The following COL14A1 variants were observed in gnomAD, a reference collection of about 807,000 sequenced individuals.
The protein encoded by COL14A1 is collagen type XIV alpha 1 chain, also known as collagen alpha-1(XIV) chain.
A neutral mutation model predicts 230.3 loss-of-function variants in COL14A1; 136 were observed. That is an observed-to-expected ratio of 0.59 (90% CI 0.51 to 0.68). The LOEUF (loss-of-function observed/expected upper bound fraction) is 0.68, where lower values mean the gene tolerates loss of function less well. COL14A1 is among the 30% of genes least tolerant of loss of function. The probability of loss-of-function intolerance (pLI) is 0.00; values close to 1 mark genes in which losing one functional copy is unlikely to be tolerated. For missense variants in COL14A1, 1,976 were observed against 2,215.8 expected, an observed-to-expected ratio of 0.89 and a Z score of 2.17; for synonymous variants, 792 against 784.1, an observed-to-expected ratio of 1.01 and a Z score of -0.17.
Position 120,247,640 on chromosome 8 carries a change from G to A in COL14A1, c.2507G>A (p.Arg836Gln), listed in dbSNP as rs143421996. The change falls in exon 21 of 48, where the codon CGG becomes CAG. Residue 836 changes from arginine to glutamine, a missense_variant. This residue lies in a region of COL14A1 where 1,791 missense variants were observed against 2,019.5 expected (regional missense o/e 0.89). Coordinates refer to ENST00000297848, the MANE Select transcript of COL14A1 (RefSeq NM_021110.4). ...CCATCCTCGGGGCCCCAGAACTTGC[G>A]GGTGTCCGAGGAATGGTATAACCGG... ...TLPSSGPQNL[R>Q]VSEEWYNRLR... is the part of the protein sequence containing the mutation. 2.0e-5 allele frequency: 33 copies of A among 1,613,856 alleles called. No individual in the cohort carries two copies. The highest frequency in any genetic ancestry group is 2.5e-5 in the Non-Finnish European group (29 of 1,179,978).
upstream of COL14A1, among the ~76,000 whole-genome samples, chr8:120,124,937 C>A (rs976793815): frequency 2.0e-5 from 3 of 152,132 alleles, no homozygotes; most frequent in Non-Finnish European, 4.4e-5. Flanking sequence ...AGCGCGTGAG[C>A]GGCACGGGGC....
At chr8:120,247,851 G>A in intron 21 of COL14A1, 116 bp downstream of exon 21, 1 of 1,250,658 alleles carries the variant, frequency 8.0e-7, no homozygotes, top group Non-Finnish European at 1.1e-6. Context: ...TAAAGAAGTA[G>A]GGAGAACCTC....
At position 120,285,902 on chromosome 8, in the gene COL14A1, G is replaced by T; in HGVS notation, c.4009G>T (p.Gly1337Trp). 6.2e-7 allele frequency: 1 copy of T among 1,611,192 alleles called. No individual in the cohort carries two copies. ...TLTYFNYDQS[G>W]DFQTVTFEGP... ...AACATATTTCAACTATGACCAGAGT[G>T]GGGATTTTCAAACTGTTACTTTCGA... is the stretch of plus-strand genomic sequence containing the variant. The change falls in exon 33 of 48, where the codon GGG (glycine) becomes TGG (tryptophan). Residue 1337 changes from glycine to tryptophan, a missense_variant. Transcript: ENST00000297848.
chr8:120,280,710 G>A lies in COL14A1; in HGVS notation c.3647-1G>A, dbSNP rs1820006445. 6.2e-7 allele frequency: 1 copy of A among 1,613,000 alleles called. No individual in the cohort carries two copies. The highest frequency in any genetic ancestry group is 1.3e-5 in the African/African-American group (1 of 74,858). On this transcript the variant is annotated splice_acceptor_variant, in intron 29 of 47. Coordinates refer to ENST00000297848, the MANE Select transcript of COL14A1 (RefSeq NM_021110.4). LOFTEE classifies it high-confidence loss of function. ...TTTATTTTGTTTGTTTGGTTTTCCAGCCTGTCCAGTGGTACACAAGGATGG... is the reference window on the plus strand; with the variant it reads ...TTTATTTTGTTTGTTTGGTTTTCCAACCTGTCCAGTGGTACACAAGGATGG...
At chr8:120,220,277 AT>A (rs34611162) in intron 14 of COL14A1, among the ~76,000 whole-genome samples, 190 of 141,876 alleles carry the variant, frequency 1.3e-3, no homozygotes, top group Middle Eastern at 7.4e-3. Flanking sequence ...CATGCAATTG[AT>A]TTTTTTTTTT....
chr8:120,298,690 G>A (rs1820612387), intron 35 of COL14A1, among the ~76,000 whole-genome samples: 2 of 136,934 alleles, frequency 1.5e-5, no homozygotes, highest in South Asian at 4.8e-4. Flanking sequence ...AGCTGGCACG[G>A]ACAACCATGT....
chr8:120,193,843 C>A (rs914596096), intron 5 of COL14A1, among the ~76,000 whole-genome samples: 4 of 152,194 alleles, frequency 2.6e-5, no homozygotes, highest in African/African-American at 7.2e-5. Context: ...GGGCGTAGGA[C>A]CCTCCGAGCC....
chr8:120,305,145 A>T (rs553931658), intron 36 of COL14A1, among the ~76,000 whole-genome samples: 1 of 152,122 alleles, frequency 6.6e-6, no homozygotes, highest in South Asian at 2.1e-4. Flanking sequence ...TGCCAGGCTA[A>T]TTTTTTGCAT....
chr8:120,302,479 A>G (rs1477958529), intron 36 of COL14A1, among the ~76,000 whole-genome samples: 4 of 152,146 alleles, frequency 2.6e-5, no homozygotes, highest in Admixed American at 2.6e-4. Context: ...TTATCCCAGT[A>G]CCATTATTGA....
chr8:120,190,661 A>C (rs919883144), intron 5 of COL14A1, among the ~76,000 whole-genome samples: 6 of 152,136 alleles, frequency 3.9e-5, no homozygotes, highest in African/African-American at 1.4e-4. Flanking sequence ...TCGGCTGTGA[A>C]TCCATCTGGT....
chr8:120,281,007 G>A lies in COL14A1; in HGVS notation c.3772G>A (p.Val1258Met). 1 of 1,612,492 alleles carries A rather than the reference G, an allele frequency of 6.2e-7. No individual in the cohort carries two copies. Among genetic ancestry groups the A allele is most frequent in the Non-Finnish European group, 8.5e-7 (1 of 1,179,428 alleles). Residue 1258 changes from valine (V) to methionine (M), a missense_variant, in exon 31 of 48, where the codon GTG (valine) becomes ATG (methionine). Val to Met is a conservative substitution (Grantham distance 21, BLOSUM62 1). Coordinates refer to ENST00000297848, the MANE Select transcript of COL14A1 (RefSeq NM_021110.4). ...TTCTATGGAGCCTGGTACCTTCAAT[G>A]TGTTTCCATGTTACCAACTCCATAA... ...GVSMEPGTFN[V>M]FPCYQLHKDA... is the part of the protein sequence containing the mutation.
At chr8:120,284,804 A>G (rs1467179423) in intron 32 of COL14A1, among the ~76,000 whole-genome samples, 1 of 152,172 alleles carries the variant, frequency 6.6e-6, no homozygotes, top group East Asian at 1.9e-4. Flanking sequence ...AAACAGAGGT[A>G]TTAATTTGTA....
chr8:120,150,828 A>G (rs1293042827), intron 2 of COL14A1, among the ~76,000 whole-genome samples: 1 of 152,106 alleles, frequency 6.6e-6, no homozygotes, highest in Non-Finnish European at 1.5e-5. Flanking sequence ...AGGAGATTAT[A>G]TTCGAATTGT....
At chr8:120,183,469 C>G (rs1032921353) in intron 5 of COL14A1, among the ~76,000 whole-genome samples, 6 of 152,266 alleles carry the variant, frequency 3.9e-5, no homozygotes, top group African/African-American at 1.4e-4. Context: ...TTTGGACATC[C>G]TGTCTGTAAT....
chr8:120,138,831 T>C (rs918758831), intron 1 of COL14A1, among the ~76,000 whole-genome samples: 2 of 152,148 alleles, frequency 1.3e-5, no homozygotes, highest in African/African-American at 4.8e-5. Flanking sequence ...TTTGTTGTTG[T>C]TTTTTTGGTT....
At chr8:120,132,655 T>A (rs1477629751) in intron 1 of COL14A1, among the ~76,000 whole-genome samples, 1 of 152,138 alleles carries the variant, frequency 6.6e-6, no homozygotes, top group Non-Finnish European at 1.5e-5. Flanking sequence ...ACGTTCTTTT[T>A]TTTCTCTTTG....
chr8:120,147,874 G>T lies in COL14A1; in HGVS notation c.32G>T (p.Trp11Leu). ...ATTTTCCAGCGCAAGATGCGGTACTGGTTGCTTCCACCTTTTTTGGCAATT... is the reference window on the plus strand; with the variant it reads ...ATTTTCCAGCGCAAGATGCGGTACTTGTTGCTTCCACCTTTTTTGGCAATT... MKIFQRKMRYWLLPPFLAIVY... is the reference protein window; with the variant it reads MKIFQRKMRYLLLPPFLAIVY... Residue 11 changes from tryptophan to leucine, a missense_variant, in exon 2 of 48, where the codon TGG becomes TTG. Trp to Leu is a moderately conservative substitution (Grantham distance 61). This residue lies in a region of COL14A1 where 181 missense variants were observed against 178.6 expected (regional missense o/e 1.01). Transcript: ENST00000297848. The T allele has an allele frequency of 6.2e-7, 1 of 1,613,982 alleles. No individual in the cohort carries two copies. The highest frequency in any genetic ancestry group is 1.6e-4 in the Middle Eastern group (1 of 6,062).
chr8:120,267,317 C>G (rs1819527445), intron 25 of COL14A1, among the ~76,000 whole-genome samples: 1 of 151,818 alleles, frequency 6.6e-6, no homozygotes, highest in Non-Finnish European at 1.5e-5. Context: ...TAAAAAGGCC[C>G]TCAACAAAGT....
intron 24 of COL14A1, among the ~76,000 whole-genome samples, chr8:120,265,840 G>A (rs1304981433): frequency 6.6e-6 from 1 of 151,980 alleles, no homozygotes; most frequent in African/African-American, 2.4e-5. Context: ...AAAGTTGGAA[G>A]AGACCTTACA....
Sources: gnomAD v4.1 joint callset for allele counts (sites outside exome capture counted in the v4.1 genomes callset) on GRCh38, gnomAD v4.1.1 for gene constraint, gnomAD v4.1.1 regional missense constraint, MANE v1.5 for transcripts, NCBI Gene and HGNC (gene_info 2026-07-23, HGNC 2026-07-21) for gene names.